The following CABP4 variants were observed in gnomAD, a reference collection of about 807,000 sequenced individuals.
CABP4 encodes the protein calcium binding protein 4, also known as calcium-binding protein 4.
In CABP4, 30 loss-of-function variants were observed where a neutral mutation model predicts 30.7. The observed-to-expected ratio is 0.98, with a 90% confidence interval of 0.73 to 1.33. The LOEUF is 1.33. Ranked by LOEUF, CABP4 falls within the 40% of genes most tolerant of loss-of-function variation. The pLI is 0.00. For missense variants in CABP4, 424 were observed against 395.5 expected, an observed-to-expected ratio of 1.07 and a Z score of -0.61; for synonymous variants, 161 against 159.2, an observed-to-expected ratio of 1.01 and a Z score of -0.08.
At chr11:67,456,098 C>T (rs1864777102) in intron 1 of CABP4, 90 bp from the exon 2 acceptor site, 1 of 1,610,966 alleles carries the variant, frequency 6.2e-7, no homozygotes, top group Admixed American at 1.7e-5. Context: ...GGGCTGGGCC[C>T]TGCCCAGGCC....
intron 3 of CABP4, 35 bp downstream of exon 3, chr11:67,456,477 C>A: frequency 6.2e-7 from 1 of 1,603,044 alleles, no homozygotes; most frequent in Non-Finnish European, 8.5e-7. Context: ...GGGCAGCCTG[C>A]GTAGTTCAGG....
At chr11:67,453,015 TTC>T, upstream of CABP4, 1 of 196,866 alleles carries the variant, frequency 5.1e-6, no homozygotes, top group East Asian at 7.0e-5. Context: ...TTCTTTTCTT[TTC>T]TTTTTTTTTT....
chr11:67,452,623 G>A (rs531715668), upstream of CABP4: 98 of 1,613,728 alleles, frequency 6.1e-5, 3 homozygotes, highest in South Asian at 1.0e-3. Flanking sequence ...CCACCAGGAA[G>A]ACCGTGTCCC....
chr11:67,456,183 T>G lies in CABP4; in HGVS notation c.367-5T>G. On this transcript the variant is annotated splice_region_variant and splice_polypyrimidine_tract_variant and intron_variant, in intron 1 of 5. Transcript: ENST00000325656. ...CTGGGGACATCCTGGACTCTCCCCC[T>G]GCAGGACCGCGAACTGGGCCCCGAG... 1 of 1,613,120 alleles carries G rather than the reference T, an allele frequency of 6.2e-7. No homozygotes were observed. Among genetic ancestry groups the G allele is most frequent in the South Asian group, 1.1e-5 (1 of 91,082 alleles).
rs369603394 is a variant in CABP4, at chr11:67,460,435, G to A, written c.*1776G>A. ...CGAGATCGCACCACTGCACTCCAGC[G>A]TGGGTAACAGAGTGAGAATCCGTCA... On this transcript the variant is annotated 3_prime_UTR_variant, in exon 6 of 6. Coordinates refer to ENST00000325656, the MANE Select transcript of CABP4 (RefSeq NM_145200.5). 3 of 151,642 alleles carry A rather than the reference G, an allele frequency of 2.0e-5. No homozygotes were observed. The highest frequency in any genetic ancestry group is 7.3e-5 in the African/African-American group (3 of 41,234). The allele number at this position is 151,642 out of a possible 1,614,324, so 9.4% of individuals were successfully genotyped here. A position where few individuals can be genotyped will look rare whatever the true frequency, so the allele number is the denominator to read the frequency against.
At position 67,459,631 on chromosome 11, in the gene CABP4, C is replaced by G. The variant is rs908722536; in HGVS notation, c.*972C>G. 6.6e-6 allele frequency: 1 copy of G among 152,182 alleles called. No individual in the cohort carries two copies. 9.4% of individuals were successfully genotyped at this position (152,182 alleles called of 1,614,324 possible). On this transcript the variant is annotated 3_prime_UTR_variant, in exon 6 of 6. Transcript: ENST00000325656. ...AAAACTGGAAAAAAACCCTGCCGCT[C>G]CCAAAGGGGAACTTGTGATAAAAAT...
chr11:67,458,214 G>T (rs1864890067), intron 4 of CABP4, among the ~76,000 whole-genome samples, 157 bp from the exon 5 acceptor site: 1 of 152,072 alleles, frequency 6.6e-6, no homozygotes, highest in African/African-American at 2.4e-5. Context: ...AGCCGAAATT[G>T]CGTCACTGCA....
In CABP4 at chr11:67,457,696, T is replaced by C. The variant is rs764548658; in HGVS notation, c.651+14T>C. Reference sequence around the variant, plus strand: ...GCCTTCCGAGAGGTGCGGAGTGTGGTGAGGTGGGCAGAGGGGGGCAGGGCT... The same window carrying C: ...GCCTTCCGAGAGGTGCGGAGTGTGGCGAGGTGGGCAGAGGGGGGCAGGGCT... On this transcript the variant is annotated intron_variant, in intron 4 of 5. Coordinates refer to ENST00000325656, the MANE Select transcript of CABP4 (RefSeq NM_145200.5). 3 of 1,563,540 alleles carry C rather than the reference T, an allele frequency of 1.9e-6. No homozygotes were observed. The highest frequency in any genetic ancestry group is 1.2e-5 in the South Asian group (1 of 85,168).
In CABP4 at chr11:67,458,647, C is replaced by G. The variant is rs371952355; in HGVS notation, c.816C>G (p.Leu272=). 1 of 1,613,900 alleles carries G rather than the reference C, an allele frequency of 6.2e-7. No individual in the cohort carries two copies. The highest frequency in any genetic ancestry group is 1.3e-5 in the African/African-American group (1 of 75,022). ...TVDFDEFVMM[L]SRH ...CTCCCGCAGAGTTTGTGATGATGCT[C>G]TCCCGCCACTGAGGCTCCAGGAGGG... The change falls in exon 6 of 6, where the codon CTC becomes CTG. Residue 272 remains leucine (L), a synonymous_variant. Transcript: ENST00000325656.
chr11:67,453,688 A>C (rs1864654936), upstream of CABP4: 1 of 145,374 alleles, frequency 6.9e-6, no homozygotes, highest in East Asian at 2.0e-4. Flanking sequence ...AAAGTATTCT[A>C]GTGGAACTCC....
rs1864754930 is a variant in CABP4, at chr11:67,455,694, GC to G, written c.273del (p.Ser92LeufsTer40). ...CGCACCCCCTGCATCCCCTGGGCCG[GC>G]CTCTTCTCGCCAGTCCCACCGACAT... Reference protein sequence around the residue: ...AGAPPASPGPASSRQSHRHRP... With the variant: ...AGAPPASPGPXSSRQSHRHRP... On this transcript the variant is annotated frameshift_variant, in exon 1 of 6. Coordinates refer to ENST00000325656, the MANE Select transcript of CABP4 (RefSeq NM_145200.5). LOFTEE classifies it high-confidence loss of function. The G allele has an allele frequency of 1.2e-6, 2 of 1,607,588 alleles. No homozygotes were observed. Among genetic ancestry groups the G allele is most frequent in the Admixed American group, 1.7e-5 (1 of 59,540 alleles).
At position 67,456,343 on chromosome 11, in the gene CABP4, T is replaced by A; in HGVS notation, c.442T>A (p.Tyr148Asn). 1 of 1,613,738 alleles carries A rather than the reference T, an allele frequency of 6.2e-7. No homozygotes were observed. ...GGAGTTTGACACTGACCGTGACGGC[T>A]ACATCAGCCACCGGGAGCTGGGTGA... ...FEEFDTDRDG[Y>N]ISHRELGDCM... is the part of the protein sequence containing the mutation. The change falls in exon 3 of 6, where the codon TAC (tyrosine) becomes AAC (asparagine). Residue 148 changes from tyrosine (Y) to asparagine (N), a missense_variant. Coordinates refer to ENST00000325656, the MANE Select transcript of CABP4 (RefSeq NM_145200.5).
chr11:67,458,860 C>T lies in CABP4; in HGVS notation c.*201C>T. ...TCATCCTTACCTCCTCCTACTCAAGCTGCCTGGAGAAGACCTGCTCTCAGC... is the reference window on the plus strand; with the variant it reads ...TCATCCTTACCTCCTCCTACTCAAGTTGCCTGGAGAAGACCTGCTCTCAGC... On this transcript the variant is annotated 3_prime_UTR_variant, in exon 6 of 6. Coordinates refer to ENST00000325656, the MANE Select transcript of CABP4 (RefSeq NM_145200.5). 6.0e-6 allele frequency: 4 copies of T among 665,052 alleles called. No individual in the cohort carries two copies. In the Admixed American group the frequency reaches 8.8e-5, roughly 15 times the overall value. The allele number at this position is 665,052 out of a possible 1,614,324, so 41.2% of individuals were successfully genotyped here.
upstream of CABP4, among the ~76,000 whole-genome samples, chr11:67,454,080 AGGAG>A (rs1864669252): frequency 6.6e-6 from 1 of 152,178 alleles, no homozygotes. Context: ...CAGCTCAGGC[AGGAG>A]GTGACCCCTG....
chr11:67,455,207 A>T (rs1264914863), upstream of CABP4: 1 of 514,736 alleles, frequency 1.9e-6, no homozygotes, highest in Admixed American at 3.7e-5. Flanking sequence ...CTGACCAAGG[A>T]CAGTTCTCTG....
At chr11:67,452,745 C>T (rs1286428479), upstream of CABP4, 2 of 1,528,916 alleles carry the variant, frequency 1.3e-6, no homozygotes, top group Admixed American at 2.1e-5. Context: ...CAGAGTCCTG[C>T]TGGACACGGA....
upstream of CABP4, chr11:67,452,987 A>ACC: frequency 2.5e-6 from 1 of 399,286 alleles, no homozygotes; most frequent in Admixed American, 4.1e-5. Flanking sequence ...GGGAGGTGCC[A>ACC]GGGCTCAACC....
chr11:67,453,020 T>TTC (rs1392620910), upstream of CABP4: 97 of 290,900 alleles, frequency 3.3e-4, no homozygotes, highest in African/African-American at 2.1e-3. Context: ...TTCTTTTCTT[T>TTC]TTTTTTTTTT....
rs11227798 is a variant in CABP4 at position 67,460,516 on chromosome 11, T to C, written c.*1857T>C. 0.12 allele frequency among the ~76,000 whole-genome samples: 18,592 copies of C among 149,450 alleles called. 1,141 individuals carry two copies. The highest frequency in any genetic ancestry group is 0.14 in the Non-Finnish European group (9,521 of 67,200). ...AAAAAAATAAAGTATATTTTATATA[T>C]ACACACACACACACACACACACACA... On this transcript the variant is annotated 3_prime_UTR_variant, in exon 6 of 6. Transcript: ENST00000325656.
Sources: allele counts gnomAD v4.1 joint callset (sites outside exome capture counted in the v4.1 genomes callset), GRCh38; gene constraint gnomAD v4.1.1; transcripts MANE v1.5; gene names NCBI Gene and HGNC (gene_info 2026-07-23, HGNC 2026-07-21).